ABCC6: variants seen among roughly 807,000 people sequenced by gnomAD.
ABCC6 encodes the protein ATP-binding cassette sub-family C member 6.
ABCC6 carries 126 observed loss-of-function variants against 169.5 expected under a neutral mutation model. The observed-to-expected ratio is 0.74, with a 90% CI of 0.64 to 0.86. ABCC6 has a LOEUF of 0.86. Among genes scored for constraint, ABCC6 ranks in the 40% least tolerant of loss-of-function variants. ABCC6 has a pLI of 0.00. For synonymous variants in ABCC6, 752 were observed against 814.7 expected (o/e 0.92, Z 1.31); for missense variants, 1,733 against 1,927.2 (o/e 0.90, Z 1.89).
chr16:16,206,456 A>T (rs190880032), intron 7 of ABCC6, among the ~76,000 whole-genome samples: 2 of 151,798 alleles, frequency 1.3e-5, no homozygotes, highest in Admixed American at 6.6e-5. Flanking sequence ...AACATGGAGA[A>T]ACCCCGCCTC....
chr16:16,149,848 A>T lies in ABCC6; in HGVS notation c.*285T>A, dbSNP rs1388086101. On this transcript the variant is annotated 3_prime_UTR_variant, in exon 31 of 31. Coordinates refer to ENST00000205557, the MANE Select transcript of ABCC6 (RefSeq NM_001171.6). Reference sequence around the variant, plus strand: ...GCCTGGGCATGTGCTTGAGGCCCCCAGGTGAGTCCAGAGTACAGCGGGGCT... The same window carrying T: ...GCCTGGGCATGTGCTTGAGGCCCCCTGGTGAGTCCAGAGTACAGCGGGGCT... The T allele has an allele frequency of 5.7e-6, 3 of 529,492 alleles. No homozygotes were observed. The highest frequency in any genetic ancestry group is 1.0e-5 in the Non-Finnish European group (3 of 290,782). 32.8% of individuals were successfully genotyped at this position (529,492 alleles called of 1,614,324 possible). A position where few individuals can be genotyped will look rare whatever the true frequency, so the allele number is the denominator to read the frequency against.
At chr16:16,187,910 A>C (rs1225859685) in intron 13 of ABCC6, among the ~76,000 whole-genome samples, 1 of 46,424 alleles carries the variant, frequency 2.2e-5, no homozygotes, top group East Asian at 1.0e-3. Context: ...AAATAAATTA[A>C]ATAAATAAAT....
Position 16,197,950 on chromosome 16 carries a change from G to A in ABCC6, c.1338+71C>T, listed in dbSNP as rs1277578767. 4 of 1,487,516 alleles carry A rather than the reference G, an allele frequency of 2.7e-6. No homozygotes were observed. In the Admixed American group the frequency reaches 5.9e-5, roughly 22 times the overall value. The allele number at this position is 1,487,516 out of a possible 1,614,324, so 92.1% of individuals were successfully genotyped here. ...AAGTCAGGAGGAGGAAGGGTGGGAG[G>A]GGGAAGGAGGAGGGGGAGAAGGAGG... is the stretch of plus-strand genomic sequence containing the variant. On this transcript the variant is annotated intron_variant, in intron 10 of 30. Transcript: ENST00000205557.
intron 24 of ABCC6, among the ~76,000 whole-genome samples, chr16:16,162,347 C>T (rs1305901518): frequency 2.6e-5 from 4 of 152,186 alleles, no homozygotes; most frequent in African/African-American, 9.7e-5. Context: ...CCTGGCTCTG[C>T]CAGTATTAGC....
In ABCC6 at chr16:16,169,750, C is replaced by A; in HGVS notation, c.2891G>T (p.Arg964Leu). The A allele has an allele frequency of 6.2e-7, 1 of 1,605,206 alleles. No individual in the cohort carries two copies. Among genetic ancestry groups the A allele is most frequent in the Non-Finnish European group, 8.5e-7 (1 of 1,176,388 alleles). Residue 964 changes from arginine (R) to leucine (L), a missense_variant, in exon 22 of 31, where the codon CGG (arginine) becomes CTG (leucine). By Grantham distance (102) the Arg-to-Leu change is moderately radical (BLOSUM62 -2). Coordinates refer to ENST00000205557, the MANE Select transcript of ABCC6 (RefSeq NM_001171.6). The stretch of plus-strand genomic sequence containing the variant: ...CGCCCACAGGCTCAGCCAGTAGCCC[C>A]GGCAGAAGGAGGCCACTTGCTGGCA... ...FLCQQVASFC[R>L]GYWLSLWADD... is the part of the protein sequence containing the mutation.
chr16:16,166,779 T>G (rs767527163), intron 22 of ABCC6, among the ~76,000 whole-genome samples: 4 of 152,226 alleles, frequency 2.6e-5, no homozygotes, highest in Admixed American at 6.5e-5. Context: ...TAGTCCTAGC[T>G]ACTCAGGAGG....
intron 4 of ABCC6, among the ~76,000 whole-genome samples, chr16:16,217,355 T>C (rs1194592746): frequency 1.3e-5 from 2 of 152,226 alleles, no homozygotes; most frequent in Non-Finnish European, 2.9e-5. Context: ...TTTGTGGCCC[T>C]GAGGCCGTCA....
chr16:16,187,282 C>T (rs2047681622), intron 13 of ABCC6, 71 bp from the exon 14 acceptor site: 10 of 1,297,048 alleles, frequency 7.7e-6, no homozygotes, highest in Non-Finnish European at 1.1e-5. Context: ...GTCGGTGTCT[C>T]AAGATGTGTG....
At position 16,154,705 on chromosome 16, in the gene ABCC6, C is replaced by A. The variant is rs750573670; in HGVS notation, c.4131G>T (p.Thr1377=). The part of the protein sequence containing the change: ...SDEAIWAALE[T]VQLKALVASL... ...TGGCCACCAAGGCTTTGAGCTGCAC[C>A]GTCTCCAGGGCTGCCCAGATAGCCT... Residue 1377 remains threonine (T), a synonymous_variant, in exon 29 of 31, where the codon ACG becomes ACT. Transcript: ENST00000205557. 1.9e-5 allele frequency: 30 copies of A among 1,613,528 alleles called. No homozygotes were observed. Among genetic ancestry groups the A allele is most frequent in the Non-Finnish European group, 4.2e-6 (5 of 1,179,972 alleles).
At chr16:16,192,659 A>G (rs772152983) in intron 11 of ABCC6, among the ~76,000 whole-genome samples, 171 bp downstream of exon 11, 1 of 152,108 alleles carries the variant, frequency 6.6e-6, no homozygotes, top group Non-Finnish European at 1.5e-5. Context: ...CTGTCCATTG[A>G]GAGGATAGGG....
At chr16:16,171,247 C>G (rs1334794373) in intron 21 of ABCC6, among the ~76,000 whole-genome samples, 2 of 152,022 alleles carry the variant, frequency 1.3e-5, no homozygotes, top group Non-Finnish European at 2.9e-5. Context: ...GAGGCAGGGT[C>G]TCACTCTGTC....
rs1260050229 is a variant in ABCC6 at position 16,154,779 on chromosome 16, G to A, written c.4057C>T (p.Pro1353Ser). ...TCGAGGTTCATCCGCAGAGAGCCAGGGAACAGGATGGGGTCCTGGCGGGGA... is the reference window on the plus strand; with the variant it reads ...TCGAGGTTCATCCGCAGAGAGCCAGAGAACAGGATGGGGTCCTGGCGGGGA... Reference protein sequence around the residue: ...SIIPQDPILFPGSLRMNLDLL... With the variant: ...SIIPQDPILFSGSLRMNLDLL... The change falls in exon 29 of 31, where the codon CCT (proline) becomes TCT (serine). Residue 1353 changes from proline to serine, a missense_variant. Transcript: ENST00000205557. The A allele has an allele frequency of 6.2e-7, 1 of 1,612,460 alleles. No individual in the cohort carries two copies. The highest frequency in any genetic ancestry group is 8.5e-7 in the Non-Finnish European group (1 of 1,179,408).
chr16:16,191,376 A>G (rs905536583), intron 11 of ABCC6, among the ~76,000 whole-genome samples: 7 of 151,988 alleles, frequency 4.6e-5, no homozygotes, highest in African/African-American at 1.5e-4. Flanking sequence ...TCGGCCTCCC[A>G]AAGTGCTGGG....
intron 22 of ABCC6, 149 bp from the exon 23 acceptor site, chr16:16,166,082 ACTCT>A (rs1260287849): frequency 1.3e-6 from 1 of 787,134 alleles, no homozygotes; most frequent in African/African-American, 1.7e-5. Flanking sequence ...ACAGGGTCTC[ACTCT>A]GTCACCCATG....
intron 1 of ABCC6, 32 bp from the exon 2 acceptor site, chr16:16,221,863 G>A (rs1338364417): frequency 1.2e-6 from 2 of 1,612,138 alleles, no homozygotes; most frequent in Non-Finnish European, 1.7e-6. Context: ...CCTTAGGATG[G>A]TACAAGGCAG....
At chr16:16,194,343 G>A (rs1479748755) in intron 10 of ABCC6, among the ~76,000 whole-genome samples, 1 of 152,182 alleles carries the variant, frequency 6.6e-6, no homozygotes, top group East Asian at 1.9e-4. Flanking sequence ...GAGTGAATAA[G>A]GTTTTAGTCT....
chr16:16,163,285 A>G (rs528460385), intron 23 of ABCC6, 93 bp from the exon 24 acceptor site: 2 of 1,240,364 alleles, frequency 1.6e-6, no homozygotes, highest in Non-Finnish European at 2.3e-6. Flanking sequence ...ACAGGATTCC[A>G]GACCAGGATC....
intron 9 of ABCC6, among the ~76,000 whole-genome samples, chr16:16,199,800 G>A (rs2152280103): frequency 6.7e-6 from 1 of 149,230 alleles, no homozygotes; most frequent in African/African-American, 2.4e-5. Context: ...GGGCACAGTG[G>A]CTCACACCTG....
At chr16:16,184,903 C>T in intron 15 of ABCC6, 56 bp downstream of exon 15, 1 of 1,540,136 alleles carries the variant, frequency 6.5e-7, no homozygotes, top group Non-Finnish European at 9.0e-7. Context: ...AGCAGGAGCC[C>T]CATGCATCTT....
Sources: gnomAD v4.1 joint callset for allele counts (sites outside exome capture counted in the v4.1 genomes callset) on GRCh38, gnomAD v4.1.1 for gene constraint, MANE v1.5 for transcripts, NCBI Gene and HGNC (gene_info 2026-07-23, HGNC 2026-07-21) for gene names.